The following TMEM135 variants were observed in gnomAD, a reference collection of about 807,000 sequenced individuals.
The protein encoded by TMEM135 is transmembrane protein 135.
A neutral mutation model predicts 60.3 loss-of-function variants in TMEM135; 30 were observed. The ratio of observed to expected loss-of-function variants is 0.50; its 90% CI spans 0.37 to 0.68. The LOEUF is 0.68. Ranked by LOEUF, TMEM135 falls within the 30% of genes least tolerant of loss-of-function variation. The pLI is 0.00. For synonymous variants in TMEM135, 190 were observed against 186.7 expected, an observed-to-expected ratio of 1.02 and a Z score of -0.14; for missense variants, 468 against 548.8, an observed-to-expected ratio of 0.85 and a Z score of 1.47.
intron 4 of TMEM135, among the ~76,000 whole-genome samples, chr11:87,132,210 C>T (rs622517): frequency 0.33 from 49,748 of 151,980 alleles, 8,570 homozygotes; most frequent in East Asian, 0.54. Flanking sequence ...CCACCACCCA[C>T]TGCTGGTTCA....
At chr11:87,192,558 T>C (rs1170658772) in intron 5 of TMEM135, among the ~76,000 whole-genome samples, 7 of 152,184 alleles carry the variant, frequency 4.6e-5, no homozygotes, top group African/African-American at 7.2e-5. Context: ...TAGGTAAATA[T>C]GAGTGAATGT....
At chr11:87,126,453 AATGACTATAATTGAAAC>A (rs1351122475) in intron 4 of TMEM135, among the ~76,000 whole-genome samples, 3 of 151,992 alleles carry the variant, frequency 2.0e-5, no homozygotes, top group Non-Finnish European at 2.9e-5. Flanking sequence ...AAAGTTTAAA[AATGACTATAATTGAAAC>A]AATTACATTA....
chr11:87,075,038 T>C (rs2513235), intron 3 of TMEM135, among the ~76,000 whole-genome samples: 69,695 of 151,960 alleles, frequency 0.46, 16,900 homozygotes, highest in East Asian at 0.64. Context: ...CTCCCGGGCC[T>C]AAGAGATCCT....
In TMEM135 at chr11:87,133,420, A is replaced by T. The variant is rs564607594; in HGVS notation, c.397-23921A>T. On this transcript the variant is annotated intron_variant, in intron 4 of 14. Transcript: ENST00000305494. ...TCCCCACCACTCACATACCTCATGG[A>T]TGCCTTCTATTACTGTAGATTTGTT... Among the ~76,000 whole-genome samples, 257 of 152,278 alleles carry T rather than the reference A, an allele frequency of 1.7e-3. 2 individuals carry two copies. The highest frequency in any genetic ancestry group is 5.8e-3 in the African/African-American group (239 of 41,562).
chr11:87,117,152 T>C (rs1857909709), intron 4 of TMEM135, among the ~76,000 whole-genome samples: 1 of 152,026 alleles, frequency 6.6e-6, no homozygotes, highest in Non-Finnish European at 1.5e-5. Flanking sequence ...AGTACACACA[T>C]TAATTAAAAA....
At chr11:87,089,836 C>G (rs1478862806) in intron 3 of TMEM135, among the ~76,000 whole-genome samples, 2 of 152,008 alleles carry the variant, frequency 1.3e-5, no homozygotes, top group Admixed American at 1.3e-4. Flanking sequence ...AGTAAGAACA[C>G]TTTCAATCCA....
At chr11:87,171,902 T>C (rs1412393756) in intron 5 of TMEM135, among the ~76,000 whole-genome samples, 1 of 152,158 alleles carries the variant, frequency 6.6e-6, no homozygotes, top group Non-Finnish European at 1.5e-5. Flanking sequence ...CACACTCTTA[T>C]GAGGATCTGC....
chr11:87,079,847 T>A (rs1856950312), intron 3 of TMEM135, among the ~76,000 whole-genome samples: 1 of 146,340 alleles, frequency 6.8e-6, no homozygotes, highest in African/African-American at 2.5e-5. Context: ...TCTTTTCTTT[T>A]TTTTTTTTTT....
intron 6 of TMEM135, among the ~76,000 whole-genome samples, chr11:87,279,697 A>G (rs537832750): frequency 6.6e-6 from 1 of 152,372 alleles, no homozygotes; most frequent in Non-Finnish European, 1.5e-5. Context: ...AGTGGTAATT[A>G]CAAAAAAGTA....
Position 87,188,574 on chromosome 11 carries a change from G to A in TMEM135, c.462+31168G>A, listed in dbSNP as rs543241552. Among the ~76,000 whole-genome samples, 366 of 152,004 alleles carry A rather than the reference G, an allele frequency of 2.4e-3. 1 individual carries two copies. Among genetic ancestry groups the A allele is most frequent in the Non-Finnish European group, 3.2e-3 (219 of 67,950 alleles). ...CAAAAATTAGCCAGGTATGGAGGCT[G>A]GCGCCTGTAATCCCAGATACTCAGG... is the stretch of plus-strand genomic sequence containing the variant. On this transcript the variant is annotated intron_variant, in intron 5 of 14. Transcript: ENST00000305494.
At chr11:87,167,746 C>T (rs1461179317) in intron 5 of TMEM135, among the ~76,000 whole-genome samples, 1 of 152,148 alleles carries the variant, frequency 6.6e-6, no homozygotes, top group Non-Finnish European at 1.5e-5. Context: ...CGATGTTCAT[C>T]AGGGATATTG....
intron 4 of TMEM135, among the ~76,000 whole-genome samples, chr11:87,130,869 T>C (rs1350079282): frequency 1.3e-5 from 2 of 152,092 alleles, no homozygotes; most frequent in Non-Finnish European, 2.9e-5. Flanking sequence ...ATTTTTTATA[T>C]TGATTAAATA....
chr11:87,123,277 G>A (rs35728847), intron 4 of TMEM135, among the ~76,000 whole-genome samples: 1 of 151,632 alleles, frequency 6.6e-6, no homozygotes, highest in African/African-American at 2.4e-5. Flanking sequence ...TGCTCCTGAA[G>A]TTTCTAGGGA....
At chr11:87,124,056 T>A (rs1937651667) in intron 4 of TMEM135, among the ~76,000 whole-genome samples, 1 of 152,276 alleles carries the variant, frequency 6.6e-6, no homozygotes. Flanking sequence ...TTAACATTGC[T>A]CCTTGCAATA....
chr11:87,067,960 A>G, intron 2 of TMEM135, 139 bp downstream of exon 2: 1 of 1,060,834 alleles, frequency 9.4e-7, no homozygotes, highest in Non-Finnish European at 1.4e-6. Flanking sequence ...ATTTATGTCA[A>G]TGAAAGCTTG....
At chr11:87,212,976 A>G (rs1591108236) in intron 5 of TMEM135, among the ~76,000 whole-genome samples, 1 of 152,276 alleles carries the variant, frequency 6.6e-6, no homozygotes, top group East Asian at 1.9e-4. Context: ...TTAGTTTGAC[A>G]TCACTACATA....
At chr11:87,264,307 C>CTTTTTTTTTTTTTTTTTTTTTTT (rs145849024) in intron 6 of TMEM135, among the ~76,000 whole-genome samples, 1 of 146,648 alleles carries the variant, frequency 6.8e-6, no homozygotes, top group African/African-American at 2.5e-5. Flanking sequence ...TGTTCTTTTT[C>CTTTTTTTTTTTTTTTTTTTTTTT]TTTTCTTTTT....
intron 6 of TMEM135, among the ~76,000 whole-genome samples, chr11:87,283,633 G>A (rs1340387683): frequency 1.3e-5 from 2 of 152,210 alleles, no homozygotes; most frequent in Non-Finnish European, 1.5e-5. Context: ...GCCAAGGCAG[G>A]TGGATCATGC....
At chr11:87,235,845 T>G (rs1225404796) in intron 5 of TMEM135, among the ~76,000 whole-genome samples, 1 of 151,960 alleles carries the variant, frequency 6.6e-6, no homozygotes, top group Non-Finnish European at 1.5e-5. Flanking sequence ...TACTGTGATG[T>G]TTTTGAGATC....
Sources: gnomAD v4.1 joint callset for allele counts (sites outside exome capture counted in the v4.1 genomes callset) on GRCh38, gnomAD v4.1.1 for gene constraint, MANE v1.5 for transcripts, NCBI Gene and HGNC (gene_info 2026-07-23, HGNC 2026-07-21) for gene names.